ANKIB1: variants seen among roughly 807,000 people sequenced by gnomAD.
ANKIB1 encodes ankyrin repeat and IBR domain-containing protein 1.
In ANKIB1, 43 loss-of-function variants were observed where a neutral mutation model predicts 122.1. That is an observed-to-expected ratio of 0.35 (90% CI 0.28 to 0.45). ANKIB1 has a LOEUF of 0.45. ANKIB1 is among the 20% of genes least tolerant of loss of function. ANKIB1 has a pLI of 1.00. For missense variants in ANKIB1, 992 were observed against 1,329.5 expected, an observed-to-expected ratio of 0.75 and a Z score of 3.95; for synonymous variants, 390 against 442.0, an observed-to-expected ratio of 0.88 and a Z score of 1.48.
chr7:92,318,395 A>C (rs1802836175), intron 3 of ANKIB1, among the ~76,000 whole-genome samples: 1 of 152,124 alleles, frequency 6.6e-6, no homozygotes, highest in South Asian at 2.1e-4. Context: ...GGGTGCCTGT[A>C]ATCCCAGCTA....
chr7:92,350,990 AT>A lies in ANKIB1; in HGVS notation c.1132del (p.Cys378AlafsTer15). The A allele has an allele frequency of 6.2e-7, 1 of 1,607,070 alleles. No homozygotes were observed. On this transcript the variant is annotated frameshift_variant, in exon 8 of 20. Coordinates refer to ENST00000265742, the MANE Select transcript of ANKIB1 (RefSeq NM_019004.2). LOFTEE classifies it high-confidence loss of function. ...AATTCAAGAAGGTGAAGCTCACAAC[AT>A]TTTTTGCCCTGCATATGATTGCTTC... Reference protein sequence around the residue: ...LKIQEGEAHNIFCPAYDCFQL... With the variant: ...LKIQEGEAHNXFCPAYDCFQL...
At chr7:92,280,581 C>T (rs1039570986) in intron 1 of ANKIB1, among the ~76,000 whole-genome samples, 3 of 151,796 alleles carry the variant, frequency 2.0e-5, no homozygotes, top group African/African-American at 7.3e-5. Context: ...ACTCAGTGCT[C>T]ACTTTTAGTA....
At chr7:92,386,434 T>G in intron 11 of ANKIB1, 75 bp from the exon 12 acceptor site, 1 of 1,397,996 alleles carries the variant, frequency 7.2e-7, no homozygotes, top group Non-Finnish European at 9.5e-7. Context: ...TCTTTACAGA[T>G]TGGTTGGCTA....
At chr7:92,381,056 C>T (rs970801099) in intron 11 of ANKIB1, among the ~76,000 whole-genome samples, 2 of 152,066 alleles carry the variant, frequency 1.3e-5, no homozygotes, top group Non-Finnish European at 2.9e-5. Flanking sequence ...GTAGAGAAGA[C>T]CTTAAATGAC....
rs534397311 is a variant in ANKIB1, at chr7:92,391,098, A to G, written c.2053-68A>G. 5.3e-5 allele frequency: 72 copies of G among 1,364,086 alleles called. No individual in the cohort carries two copies. In the African/African-American group the frequency reaches 9.0e-4, roughly 17 times the overall value. 84.5% of individuals were successfully genotyped at this position (1,364,086 alleles called of 1,614,324 possible). On this transcript the variant is annotated intron_variant, in intron 15 of 19. Coordinates refer to ENST00000265742, the MANE Select transcript of ANKIB1 (RefSeq NM_019004.2). ...GTTAGATTTAACTGAGAAACCACAT[A>G]GACCCTGGATTTGCTATTGATTAAC... is the stretch of plus-strand genomic sequence containing the variant.
At chr7:92,356,398 C>G (rs1004604093) in intron 9 of ANKIB1, among the ~76,000 whole-genome samples, 7 of 152,176 alleles carry the variant, frequency 4.6e-5, no homozygotes, top group Admixed American at 1.3e-4. Context: ...CTCCTGCCAA[C>G]TAGCAAAACA....
intron 4 of ANKIB1, 166 bp downstream of exon 4, chr7:92,319,678 C>G (rs1802864136): frequency 1.5e-6 from 1 of 684,780 alleles, no homozygotes; most frequent in Non-Finnish European, 2.3e-6. Flanking sequence ...TCTAGGCCAA[C>G]CACAGTGGCT....
chr7:92,339,075 T>C (rs1803376211), intron 5 of ANKIB1, among the ~76,000 whole-genome samples: 1 of 130,576 alleles, frequency 7.7e-6, no homozygotes, highest in Admixed American at 7.8e-5. Flanking sequence ...TGAGTCTTGC[T>C]CTGTCACCTA....
At chr7:92,303,678 G>A (rs1015752934) in intron 2 of ANKIB1, among the ~76,000 whole-genome samples, 3 of 152,168 alleles carry the variant, frequency 2.0e-5, no homozygotes, top group Non-Finnish European at 4.4e-5. Context: ...TATTGAAAAA[G>A]TGTGATTACA....
intron 2 of ANKIB1, among the ~76,000 whole-genome samples, chr7:92,299,947 G>A (rs1029962333): frequency 1.3e-5 from 2 of 152,124 alleles, no homozygotes; most frequent in Non-Finnish European, 2.9e-5. Flanking sequence ...TGGGACTACA[G>A]GCATGTGCCA....
chr7:92,255,784 A>G (rs1801432415), intron 1 of ANKIB1, among the ~76,000 whole-genome samples: 1 of 152,134 alleles, frequency 6.6e-6, no homozygotes, highest in Non-Finnish European at 1.5e-5. Flanking sequence ...TTTTAAAGTT[A>G]TTTATACGCA....
intron 2 of ANKIB1, among the ~76,000 whole-genome samples, chr7:92,304,068 AG>A (rs1802506437): frequency 6.6e-6 from 1 of 151,924 alleles, no homozygotes; most frequent in Non-Finnish European, 1.5e-5. Flanking sequence ...ATATGCAAGT[AG>A]TTAAAAAAAA....
At chr7:92,283,555 G>C (rs1488712896) in intron 1 of ANKIB1, among the ~76,000 whole-genome samples, 1 of 152,076 alleles carries the variant, frequency 6.6e-6, no homozygotes, top group African/African-American at 2.4e-5. Context: ...TCTGTCTCCT[G>C]CTCCTGGTTT....
intron 1 of ANKIB1, among the ~76,000 whole-genome samples, chr7:92,281,436 A>T (rs1438975786): frequency 1.3e-5 from 2 of 152,220 alleles, no homozygotes; most frequent in Non-Finnish European, 2.9e-5. Context: ...TCAACCTTGC[A>T]AGAGGCTTTT....
chr7:92,366,499 G>C (rs1002070957), intron 10 of ANKIB1, among the ~76,000 whole-genome samples: 39 of 152,164 alleles, frequency 2.6e-4, no homozygotes, highest in African/African-American at 8.7e-4. Flanking sequence ...GGTGACTGCT[G>C]ATCATTCACT....
At chr7:92,251,850 C>T (rs1185781469) in intron 1 of ANKIB1, among the ~76,000 whole-genome samples, 1 of 152,194 alleles carries the variant, frequency 6.6e-6, no homozygotes, top group African/African-American at 2.4e-5. Context: ...ATTTCGTGTA[C>T]TATGCCAACA....
At chr7:92,325,525 AG>A (rs1191773496) in intron 4 of ANKIB1, among the ~76,000 whole-genome samples, 1 of 152,222 alleles carries the variant, frequency 6.6e-6, no homozygotes. Flanking sequence ...TCAGCTAATG[AG>A]AGATTGCTGT....
chr7:92,289,287 A>T (rs1237385330), intron 1 of ANKIB1, among the ~76,000 whole-genome samples: 2 of 152,354 alleles, frequency 1.3e-5, no homozygotes, highest in South Asian at 2.1e-4. Context: ...AAAAACCTGC[A>T]CACAGAATAA....
intron 1 of ANKIB1, among the ~76,000 whole-genome samples, chr7:92,294,083 T>C (rs1240059633): frequency 1.3e-5 from 2 of 152,144 alleles, no homozygotes; most frequent in Admixed American, 6.5e-5. Context: ...AATACGGTAT[T>C]TTGAACTTCA....
Sources: gnomAD v4.1 joint callset for allele counts (sites outside exome capture counted in the v4.1 genomes callset) on GRCh38, gnomAD v4.1.1 for gene constraint, MANE v1.5 for transcripts, NCBI Gene and HGNC (gene_info 2026-07-23, HGNC 2026-07-21) for gene names.